The following MFSD6 variants were observed in gnomAD, a reference collection of about 807,000 sequenced individuals.
The protein encoded by MFSD6 is major facilitator superfamily domain-containing protein 6.
In MFSD6, 26 loss-of-function variants were observed where a neutral mutation model predicts 56.3. The ratio of observed to expected loss-of-function variants is 0.46; its 90% confidence interval spans 0.34 to 0.64. The LOEUF is 0.64. Among genes scored for constraint, MFSD6 ranks in the 30% least tolerant of loss-of-function variants. The pLI is 0.01. For synonymous variants in MFSD6, 331 were observed against 366.9 expected (o/e 0.90, Z 1.12); for missense variants, 750 against 986.2 (o/e 0.76, Z 3.21).
At position 190,459,766 on chromosome 2, in the gene MFSD6, C is replaced by G. The variant is rs1362359778; in HGVS notation, c.1533-9992C>G. ...TATCAGTCATTTTAGAGGGAAGAAT[C>G]TGAACACAACAAAATGATTTCCAGC... On this transcript the variant is annotated intron_variant, in intron 3 of 7. Coordinates refer to ENST00000392328, the MANE Select transcript of MFSD6 (RefSeq NM_017694.4). The surrounding 1 kb of genome is among the most constrained non-coding windows in gnomAD (Gnocchi z 5.3). 6.6e-6 allele frequency among the ~76,000 whole-genome samples: 1 copy of G among 152,238 alleles called. No homozygotes were observed. Among genetic ancestry groups the G allele is most frequent in the Non-Finnish European group, 1.5e-5 (1 of 68,040 alleles).
At chr2:190,414,005 G>A (rs181661299) in intron 1 of MFSD6, among the ~76,000 whole-genome samples, 1 of 152,264 alleles carries the variant, frequency 6.6e-6, no homozygotes, top group Admixed American at 6.5e-5. Context: ...CTTGGCTCAA[G>A]GTAGAGCAAA....
At chr2:190,482,113 A>C (rs780667280) in intron 4 of MFSD6, among the ~76,000 whole-genome samples, 28 of 152,216 alleles carry the variant, frequency 1.8e-4, no homozygotes, top group Non-Finnish European at 3.7e-4. Flanking sequence ...GAGGTGTGTC[A>C]CTCCCTTCTC....
At chr2:190,429,783 T>G (rs1685904268) in intron 2 of MFSD6, among the ~76,000 whole-genome samples, 2 of 152,192 alleles carry the variant, frequency 1.3e-5, no homozygotes, top group South Asian at 4.1e-4. Flanking sequence ...ACCTATAATC[T>G]ACCTGGAATT....
Position 190,436,531 on chromosome 2 carries a change from C to A in MFSD6, c.502C>A (p.His168Asn). 6.2e-7 allele frequency: 1 copy of A among 1,614,246 alleles called. No homozygotes were observed. The highest frequency in any genetic ancestry group is 8.5e-7 in the Non-Finnish European group (1 of 1,180,042). Reference sequence around the variant, plus strand: ...TGTACCAAAGATTCGCCCAACAACTCACCCCACCAATGCAAGTCACCAGTT... The same window carrying A: ...TGTACCAAAGATTCGCCCAACAACTAACCCCACCAATGCAAGTCACCAGTT... The part of the protein sequence containing the change: ...RCVPKIRPTT[H>N]PTNASHQLTI... Residue 168 changes from histidine (H) to asparagine (N), a missense_variant, in exon 3 of 8, where the codon CAC becomes AAC. His to Asn is a moderately conservative substitution (Grantham distance 68). This residue lies in a region of MFSD6 where 376 missense variants were observed against 437.9 expected (regional missense o/e 0.86). Transcript: ENST00000392328. This position sits in a 1 kb window ranked among gnomAD's most constrained non-coding sequence, Gnocchi z 5.3.
At chr2:190,444,185 A>C (rs902337914) in intron 3 of MFSD6, among the ~76,000 whole-genome samples, 1 of 152,246 alleles carries the variant, frequency 6.6e-6, no homozygotes, top group South Asian at 2.1e-4. Context: ...CTGACTAGTT[A>C]ATGAAATAAA....
chr2:190,430,350 C>T (rs147503425), intron 2 of MFSD6, among the ~76,000 whole-genome samples: 33,754 of 150,666 alleles, frequency 0.22, 4,848 homozygotes, highest in South Asian at 0.33. Context: ...GAGGACCCTG[C>T]GGCCTTCCGC....
intron 3 of MFSD6, among the ~76,000 whole-genome samples, chr2:190,441,036 T>C (rs1307432971): frequency 6.6e-6 from 1 of 152,196 alleles, no homozygotes; most frequent in Non-Finnish European, 1.5e-5. Flanking sequence ...GAAGAAACTC[T>C]GCAGCCGGGT....
chr2:190,455,247 C>T (rs1044893323), intron 3 of MFSD6, among the ~76,000 whole-genome samples: 3 of 150,998 alleles, frequency 2.0e-5, no homozygotes, highest in Admixed American at 6.6e-5. Flanking sequence ...ATTACTATGA[C>T]TTTCATTATT....
intron 2 of MFSD6, among the ~76,000 whole-genome samples, chr2:190,429,242 G>T (rs1033471172): frequency 2.6e-5 from 4 of 151,306 alleles, no homozygotes; most frequent in Admixed American, 6.6e-5. Flanking sequence ...GTGTGTGTGT[G>T]TGTGTGTATA....
In MFSD6 at chr2:190,456,927, T is replaced by C. The variant is rs878929849; in HGVS notation, c.1533-12831T>C. Among the ~76,000 whole-genome samples the C allele has an allele frequency of 1.3e-5, 2 of 152,128 alleles. No individual in the cohort carries two copies. Among genetic ancestry groups the C allele is most frequent in the African/African-American group, 2.4e-5 (1 of 41,414 alleles). On this transcript the variant is annotated intron_variant, in intron 3 of 7. Transcript: ENST00000392328. The surrounding 1 kb of genome is among the most constrained non-coding windows in gnomAD (Gnocchi z 5.4). ...TTGAGTGGCATTTGCTTTTCTACTT[T>C]CCTCTTACCCCAGTCTTCCCAATGA...
chr2:190,432,840 A>ACTCT (rs377459983), intron 2 of MFSD6, among the ~76,000 whole-genome samples: 2 of 136,960 alleles, frequency 1.5e-5, no homozygotes, highest in Non-Finnish European at 3.2e-5. Context: ...ACACACACAC[A>ACTCT]CTCTCTCTCT....
In MFSD6 at chr2:190,436,566, G is replaced by T. The variant is rs115585862; in HGVS notation, c.537G>T (p.Leu179=). The T allele has an allele frequency of 8.0e-4, 1,294 of 1,614,116 alleles. 7 individuals are homozygous for T. The African/African-American group carries it at 0.016, about 20-fold the overall frequency. Residue 179 remains leucine (L), a synonymous_variant, in exon 3 of 8, where the codon CTG becomes CTT. Transcript: ENST00000392328. This position sits in a 1 kb window ranked among gnomAD's most constrained non-coding sequence, Gnocchi z 5.3. The part of the protein sequence containing the change: ...PTNASHQLTI[L]PTNSSFTSFL... ...ATGCAAGTCACCAGTTAACTATCCT[G>T]CCAACAAATTCTTCCTTTACCTCTT... is the stretch of plus-strand genomic sequence containing the variant.
rs1689257059 is a variant in MFSD6, at chr2:190,490,241, T to G, written c.1891+375T>G. ...GGATAGGGAGTGAGTGGTAATCTTC[T>G]CTATGACTTACCTTCATTTGTTAAA... is the stretch of plus-strand genomic sequence containing the variant. On this transcript the variant is annotated intron_variant, in intron 6 of 7. Coordinates refer to ENST00000392328, the MANE Select transcript of MFSD6 (RefSeq NM_017694.4). The surrounding 1 kb of genome is among the most constrained non-coding windows in gnomAD (Gnocchi z 4.5). Among the ~76,000 whole-genome samples, 2 of 151,136 alleles carry G rather than the reference T, an allele frequency of 1.3e-5. No homozygotes were observed. Among genetic ancestry groups the G allele is most frequent in the African/African-American group, 4.9e-5 (2 of 41,192 alleles).
Position 190,487,760 on chromosome 2 carries a change from T to G in MFSD6, c.1631-897T>G, listed in dbSNP as rs550075447. ...ATATATATAAGTTCTGGCAAGGAGG[T>G]GGAGAAATTGGATCTCTCATACAGT... On this transcript the variant is annotated intron_variant, in intron 4 of 7. Transcript: ENST00000392328. This position sits in a 1 kb window ranked among gnomAD's most constrained non-coding sequence, Gnocchi z 5.5. Among the ~76,000 whole-genome samples the G allele has an allele frequency of 2.0e-5, 3 of 152,164 alleles. No homozygotes were observed. Among genetic ancestry groups the G allele is most frequent in the Non-Finnish European group, 4.4e-5 (3 of 68,032 alleles).
In MFSD6 at chr2:190,458,231, A is replaced by G. The variant is rs1687142457; in HGVS notation, c.1533-11527A>G. ...ATACGTTGAGGTCCTAACCCACAGT[A>G]CCTCAGAGTGTGACCATATTTAAAG... On this transcript the variant is annotated intron_variant, in intron 3 of 7. Coordinates refer to ENST00000392328, the MANE Select transcript of MFSD6 (RefSeq NM_017694.4). This position sits in a 1 kb window ranked among gnomAD's most constrained non-coding sequence, Gnocchi z 5.3. 1.3e-5 allele frequency among the ~76,000 whole-genome samples: 2 copies of G among 152,190 alleles called. No homozygotes were observed. Among genetic ancestry groups the G allele is most frequent in the South Asian group, 4.1e-4 (2 of 4,830 alleles).
At chr2:190,409,272 C>G (rs1319408674) in intron 1 of MFSD6, among the ~76,000 whole-genome samples, 1 of 152,116 alleles carries the variant, frequency 6.6e-6, no homozygotes, top group African/African-American at 2.4e-5. Flanking sequence ...AATACAAACG[C>G]AACTTTCCCC....
rs904535859 is a variant in MFSD6, at chr2:190,454,943, T to C, written c.1533-14815T>C. Among the ~76,000 whole-genome samples the C allele has an allele frequency of 4.0e-4, 25 of 62,410 alleles. No individual in the cohort carries two copies. The highest frequency in any genetic ancestry group is 1.7e-4 in the Non-Finnish European group (4 of 23,782). 40.9% of individuals were successfully genotyped at this position (62,410 alleles called of 152,430 possible). A position where few individuals can be genotyped will look rare whatever the true frequency, so the allele number is the denominator to read the frequency against. On this transcript the variant is annotated intron_variant, in intron 3 of 7. Coordinates refer to ENST00000392328, the MANE Select transcript of MFSD6 (RefSeq NM_017694.4). This position sits in a 1 kb window ranked among gnomAD's most constrained non-coding sequence, Gnocchi z 4.6. Reference sequence around the variant, plus strand: ...TGTTCCTGGTTTCTGTATGTATATGTATATGTATATGTATATGTATATGTA... The same window carrying C: ...TGTTCCTGGTTTCTGTATGTATATGCATATGTATATGTATATGTATATGTA...
chr2:190,414,126 G>A (rs1670888030), intron 1 of MFSD6, among the ~76,000 whole-genome samples: 2 of 152,054 alleles, frequency 1.3e-5, no homozygotes, highest in Admixed American at 6.5e-5. Flanking sequence ...GGGGGGTTGG[G>A]TGGCAGGGGG....
intron 3 of MFSD6, among the ~76,000 whole-genome samples, chr2:190,449,366 T>TG (rs1391103344): frequency 2.0e-5 from 3 of 151,794 alleles, no homozygotes; most frequent in Admixed American, 1.3e-4. Context: ...CCCAGCTACT[T>TG]GGGAGGCTGA....
Sources: gnomAD v4.1 joint callset for allele counts (sites outside exome capture counted in the v4.1 genomes callset) on GRCh38, gnomAD v4.1.1 for gene constraint, gnomAD v4.1.1 regional missense constraint, Gnocchi (gnomAD v3.1) non-coding constraint, MANE v1.5 for transcripts, NCBI Gene and HGNC (gene_info 2026-07-23, HGNC 2026-07-21) for gene names.